BABAM2: variants seen among roughly 807,000 people sequenced by gnomAD.
BABAM2 encodes the protein BRISC and BRCA1 A complex member 2.
In BABAM2, 31 loss-of-function variants were observed where a neutral mutation model predicts 54.7. That is an observed-to-expected ratio of 0.57 (90% CI 0.43 to 0.77). The LOEUF is 0.77. Ranked by LOEUF, BABAM2 falls within the 30% of genes least tolerant of loss-of-function variation. BABAM2 has a pLI of 0.00. For synonymous variants in BABAM2, 167 were observed against 162.9 expected (o/e 1.03, Z -0.19); for missense variants, 364 against 455.8 (o/e 0.80, Z 1.83).
intron 11 of BABAM2, chr2:28,309,100 A>G (rs937083736): frequency 2.0e-5 from 3 of 152,202 alleles, no homozygotes; most frequent in African/African-American, 7.3e-5. Context: ...TGGGTCTATG[A>G]TCTCACCCCT....
intron 7 of BABAM2, among the ~76,000 whole-genome samples, chr2:28,135,169 C>T (rs1384229269): frequency 6.6e-6 from 1 of 152,144 alleles, no homozygotes; most frequent in African/African-American, 2.4e-5. Context: ...TTCCATTTGA[C>T]TTGGTGGAGA....
At chr2:28,245,206 A>C (rs1386989929) in intron 10 of BABAM2, among the ~76,000 whole-genome samples, 10 of 152,150 alleles carry the variant, frequency 6.6e-5, no homozygotes, top group South Asian at 4.1e-4. Flanking sequence ...CACACACACA[A>C]AAAATTATTG....
chr2:28,303,306 A>G (rs1267355704), intron 11 of BABAM2, among the ~76,000 whole-genome samples: 1 of 152,228 alleles, frequency 6.6e-6, no homozygotes, highest in African/African-American at 2.4e-5. Flanking sequence ...GTTTTCTTCT[A>G]GAAGCTTTTG....
intron 7 of BABAM2, among the ~76,000 whole-genome samples, chr2:28,135,905 T>G (rs972658154): frequency 6.6e-6 from 1 of 152,214 alleles, no homozygotes; most frequent in Non-Finnish European, 1.5e-5. Context: ...AGTTTATCCA[T>G]GTGGAACTGT....
chr2:28,310,172 T>C (rs529468985), intron 11 of BABAM2: 1 of 1,611,042 alleles, frequency 6.2e-7, no homozygotes, highest in African/African-American at 1.3e-5. Flanking sequence ...GAACGTGTTA[T>C]TTATTAGAAC....
intron 7 of BABAM2, among the ~76,000 whole-genome samples, chr2:28,163,492 G>A (rs757949107): frequency 6.6e-6 from 1 of 152,016 alleles, no homozygotes; most frequent in Non-Finnish European, 1.5e-5. Context: ...ATGGTGCTGG[G>A]GACAAAGGTC....
chr2:28,299,235 G>T (rs10207185), intron 11 of BABAM2, among the ~76,000 whole-genome samples: 1 of 152,216 alleles, frequency 6.6e-6, no homozygotes, highest in African/African-American at 2.4e-5. Flanking sequence ...GTTAGCTAAA[G>T]TTTGGAGTTT....
In BABAM2 at chr2:28,062,561, C is replaced by CA. The variant is rs1273524201; in HGVS notation, c.570+16774dup. ...CTGGTAACAGAGCAAGACTCCATCTCAAAAAAAAAAAACCAAAAAAAAAAA... is the reference window on the plus strand; with the variant it reads ...CTGGTAACAGAGCAAGACTCCATCTCAAAAAAAAAAAAACCAAAAAAAAAAA... On this transcript the variant is annotated intron_variant, in intron 6 of 11. Transcript: ENST00000379624. 6.6e-3 allele frequency among the ~76,000 whole-genome samples: 456 copies of CA among 68,770 alleles called. 5 individuals are homozygous for CA. The highest frequency in any genetic ancestry group is 0.017 in the African/African-American group (342 of 20,720). The allele number at this position is 68,770 out of a possible 152,430, so 45.1% of individuals were successfully genotyped here. A position where few individuals can be genotyped will look rare whatever the true frequency, so the allele number is the denominator to read the frequency against.
intron 7 of BABAM2, among the ~76,000 whole-genome samples, chr2:28,208,972 C>A (rs1430124339): frequency 5.9e-5 from 9 of 152,192 alleles, no homozygotes. Flanking sequence ...AGTCCCAACT[C>A]TGCCTTCAGG....
intron 6 of BABAM2, among the ~76,000 whole-genome samples, chr2:28,094,865 G>T (rs1372325895): frequency 1.4e-5 from 2 of 148,006 alleles, no homozygotes; most frequent in African/African-American, 2.5e-5. Context: ...ACTTAACAAT[G>T]CATCTTGGCA....
In BABAM2 at chr2:28,241,066, A is replaced by C. The variant is rs115722735; in HGVS notation, c.781-257A>C. ...TAGAAGAAAGTTTTATTTTTTAGAG[A>C]TGCATACTGAAATATTTAAGAGTGA... On this transcript the variant is annotated intron_variant, in intron 8 of 11. Transcript: ENST00000379624. 4.9e-3 allele frequency among the ~76,000 whole-genome samples: 753 copies of C among 152,224 alleles called. 11 individuals carry two copies. Among genetic ancestry groups the C allele is most frequent in the African/African-American group, 0.017 (697 of 41,532 alleles).
rs1420334770 is a variant in BABAM2, at chr2:28,112,183, C to T, written c.571-17088C>T. Reference sequence around the variant, plus strand: ...CCTCCCTCCCTCCCTCCCTCCCTCCCTCCCTCCCTCCCTCCCTTCCTTCCT... The same window carrying T: ...CCTCCCTCCCTCCCTCCCTCCCTCCTTCCCTCCCTCCCTCCCTTCCTTCCT... On this transcript the variant is annotated intron_variant, in intron 6 of 11. Transcript: ENST00000379624. Among the ~76,000 whole-genome samples, 70 of 69,858 alleles carry T rather than the reference C, an allele frequency of 1.0e-3. 4 individuals carry two copies. Among genetic ancestry groups the T allele is most frequent in the East Asian group, 3.2e-3 (6 of 1,890 alleles). The allele number at this position is 69,858 out of a possible 152,430, so 45.8% of individuals were successfully genotyped here. A position where few individuals can be genotyped will look rare whatever the true frequency, so the allele number is the denominator to read the frequency against.
intron 11 of BABAM2, among the ~76,000 whole-genome samples, chr2:28,314,510 G>A (rs1168003094): frequency 6.6e-6 from 1 of 152,192 alleles, no homozygotes; most frequent in Non-Finnish European, 1.5e-5. Flanking sequence ...TGACACTCAG[G>A]TTTGGCATGC....
At chr2:27,895,383 T>TA (rs1665208768) in intron 2 of BABAM2, among the ~76,000 whole-genome samples, 1 of 152,220 alleles carries the variant, frequency 6.6e-6, no homozygotes, top group Non-Finnish European at 1.5e-5. Context: ...TTGACACTTT[T>TA]AAAGAGTACT....
intron 3 of BABAM2, among the ~76,000 whole-genome samples, chr2:27,973,049 T>G (rs1321518452): frequency 6.6e-6 from 1 of 152,042 alleles, no homozygotes; most frequent in African/African-American, 2.4e-5. Context: ...ATTACAGTCA[T>G]GAGCCACCGT....
At chr2:28,334,794 C>A (rs1213199439) in intron 11 of BABAM2, among the ~76,000 whole-genome samples, 3 of 152,206 alleles carry the variant, frequency 2.0e-5, no homozygotes, top group Admixed American at 6.5e-5. Context: ...AGTGTGGCAT[C>A]AGGTGGCCTT....
At chr2:27,929,609 A>C (rs1218222775) in intron 2 of BABAM2, among the ~76,000 whole-genome samples, 1 of 152,214 alleles carries the variant, frequency 6.6e-6, no homozygotes, top group Non-Finnish European at 1.5e-5. Flanking sequence ...TGTCGTTAGA[A>C]CACATGTAAG....
chr2:28,149,814 A>T (rs1350800092), intron 7 of BABAM2, among the ~76,000 whole-genome samples: 1 of 152,018 alleles, frequency 6.6e-6, no homozygotes, highest in Non-Finnish European at 1.5e-5. Flanking sequence ...CCTAGCATGT[A>T]CCTCTCGCTT....
chr2:27,973,793 T>C (rs1047661631), intron 3 of BABAM2, among the ~76,000 whole-genome samples: 1 of 152,052 alleles, frequency 6.6e-6, no homozygotes, highest in African/African-American at 2.4e-5. Context: ...CATAGAACAG[T>C]GCCCAGACTA....
Sources: gnomAD v4.1 joint callset for allele counts (sites outside exome capture counted in the v4.1 genomes callset) on GRCh38, gnomAD v4.1.1 for gene constraint, MANE v1.5 for transcripts, NCBI Gene and HGNC (gene_info 2026-07-23, HGNC 2026-07-21) for gene names.